Variants in KCNT1 observed in about 807,000 individuals in gnomAD.
The protein encoded by KCNT1 is potassium sodium-activated channel subfamily T member 1.
A neutral mutation model predicts 147.8 loss-of-function variants in KCNT1; 78 were observed. That is an observed-to-expected ratio of 0.53 (90% CI 0.44 to 0.64). The LOEUF is 0.64. KCNT1 is among the 30% of genes least tolerant of loss of function. KCNT1 has a pLI of 0.00. For synonymous variants in KCNT1, 867 were observed against 748.8 expected, an observed-to-expected ratio of 1.16 and a Z score of -2.58; for missense variants, 1,419 against 1,750.3, an observed-to-expected ratio of 0.81 and a Z score of 3.38.
At chr9:135,741,854 A>C in intron 2 of KCNT1, among the ~76,000 whole-genome samples, 1 of 152,252 alleles carries the variant, frequency 6.6e-6, no homozygotes, top group Admixed American at 6.5e-5. Context: ...GGTCCCTCTG[A>C]AGTCCTTTGA....
At chr9:135,724,978 C>G (rs763753631) in intron 2 of KCNT1, among the ~76,000 whole-genome samples, 6 of 152,246 alleles carry the variant, frequency 3.9e-5, no homozygotes, top group Admixed American at 1.3e-4. Context: ...TGGGCTCCCC[C>G]ATGTGATCCT....
Position 135,737,207 on chromosome 9 carries a change from T to C in KCNT1, c.255-12891T>C, listed in dbSNP as rs141224469. ...CGAAGCCTGCACAGCAGGTCAGGGC[T>C]GGGACACAGGGCTCAGGCTGCCTGG... On this transcript the variant is annotated intron_variant, in intron 2 of 30. Transcript: ENST00000371757. 3.9e-3 allele frequency among the ~76,000 whole-genome samples: 591 copies of C among 152,300 alleles called. 6 individuals are homozygous for C. Among genetic ancestry groups the C allele is most frequent in the African/African-American group, 0.014 (577 of 41,574 alleles).
At chr9:135,785,938 C>T (rs912272176) in intron 28 of KCNT1, 9 of 550,244 alleles carry the variant, frequency 1.6e-5, no homozygotes, top group South Asian at 6.8e-5. Flanking sequence ...AGCAGCCTGG[C>T]GAATCCCTTG....
Position 135,792,393 on chromosome 9 carries a change from G to C in KCNT1, c.*232G>C. 1 of 471,948 alleles carries C rather than the reference G, an allele frequency of 2.1e-6. No individual in the cohort carries two copies. Among genetic ancestry groups the C allele is most frequent in the Non-Finnish European group, 3.9e-6 (1 of 258,932 alleles). The allele number at this position is 471,948 out of a possible 1,614,324, so 29.2% of individuals were successfully genotyped here. On this transcript the variant is annotated 3_prime_UTR_variant, in exon 31 of 31. Coordinates refer to ENST00000371757, the MANE Select transcript of KCNT1 (RefSeq NM_020822.3). The stretch of plus-strand genomic sequence containing the variant: ...GTTTTTTAACCTATTTTTACACGTC[G>C]ATGCAGTCCACTTCTCTTTACACAG...
intron 1 of KCNT1, among the ~76,000 whole-genome samples, chr9:135,702,754 C>G (rs1835083198): frequency 6.6e-6 from 1 of 152,106 alleles, no homozygotes; most frequent in Non-Finnish European, 1.5e-5. Context: ...AGGTTCCATC[C>G]TTCTTGTGTG....
intron 2 of KCNT1, among the ~76,000 whole-genome samples, chr9:135,723,119 C>T (rs1835990430): frequency 6.6e-6 from 1 of 152,252 alleles, no homozygotes; most frequent in Admixed American, 6.5e-5. Context: ...GGCCACACTG[C>T]CTGTGCCTCC....
At chr9:135,756,535 C>T (rs1051735924) in intron 6 of KCNT1, among the ~76,000 whole-genome samples, 4 of 152,298 alleles carry the variant, frequency 2.6e-5, no homozygotes, top group Admixed American at 2.6e-4. Context: ...TCCACTGAGC[C>T]TCCATCTCCG....
At chr9:135,747,540 G>A (rs1053088895) in intron 2 of KCNT1, among the ~76,000 whole-genome samples, 1 of 152,142 alleles carries the variant, frequency 6.6e-6, no homozygotes, top group Admixed American at 6.5e-5. Flanking sequence ...CATCCTGTCT[G>A]AGCGAAAGAC....
chr9:135,774,492 G>T (rs1244942664), intron 19 of KCNT1, among the ~76,000 whole-genome samples: 1 of 149,910 alleles, frequency 6.7e-6, no homozygotes, highest in Non-Finnish European at 1.5e-5. Context: ...TTGTGTCTGT[G>T]TGGTGTGTGT....
At chr9:135,774,760 G>T (rs545730626) in intron 19 of KCNT1, among the ~76,000 whole-genome samples, 2 of 152,116 alleles carry the variant, frequency 1.3e-5, no homozygotes, top group Non-Finnish European at 2.9e-5. Context: ...GTCCATTTCC[G>T]TGTGCCTGTA....
intron 9 of KCNT1, 24 bp downstream of exon 9, chr9:135,757,405 C>T: frequency 6.3e-7 from 1 of 1,599,244 alleles, no homozygotes; most frequent in Non-Finnish European, 8.5e-7. Flanking sequence ...GGGGGTGCAG[C>T]TGGGACTTGG....
intron 2 of KCNT1, among the ~76,000 whole-genome samples, chr9:135,738,183 C>T (rs1830416752): frequency 6.6e-6 from 1 of 152,218 alleles, no homozygotes; most frequent in Admixed American, 6.5e-5. Flanking sequence ...TCCAGGAAGC[C>T]CTCCCGCATG....
chr9:135,742,856 G>A (rs866604420), intron 2 of KCNT1: 3 of 716,716 alleles, frequency 4.2e-6, no homozygotes, highest in Admixed American at 2.0e-5. Flanking sequence ...TGGCAGACAA[G>A]GGCTCTTAGA....
intron 2 of KCNT1, chr9:135,742,836 A>G: frequency 5.6e-6 from 4 of 716,352 alleles, no homozygotes; most frequent in Non-Finnish European, 7.8e-6. Context: ...CAAGGGAGGA[A>G]CTGTCTTGGT....
intron 29 of KCNT1, among the ~76,000 whole-genome samples, chr9:135,788,480 G>C (rs751749171): frequency 2.6e-5 from 4 of 152,246 alleles, no homozygotes; most frequent in African/African-American, 9.6e-5. Flanking sequence ...TGCTGTTTAC[G>C]ATGAGCTCTG....
chr9:135,751,670 C>T (rs1011812996), intron 4 of KCNT1, among the ~76,000 whole-genome samples: 1 of 152,202 alleles, frequency 6.6e-6, no homozygotes, highest in Non-Finnish European at 1.5e-5. Flanking sequence ...CTGGGACCTA[C>T]TCTGTGCCCA....
intron 2 of KCNT1, among the ~76,000 whole-genome samples, chr9:135,735,124 C>T (rs1417606715): frequency 6.6e-6 from 1 of 152,194 alleles, no homozygotes; most frequent in African/African-American, 2.4e-5. Flanking sequence ...TTTGCAGGTA[C>T]AAACAGCGCT....
chr9:135,774,857 A>T (rs1833051969), intron 19 of KCNT1, among the ~76,000 whole-genome samples: 1 of 151,362 alleles, frequency 6.6e-6, no homozygotes. Context: ...ACCCCCTTCC[A>T]CACCTGGGTG....
chr9:135,790,777 T>C (rs1834439364), intron 29 of KCNT1: 1 of 152,376 alleles, frequency 6.6e-6, no homozygotes, highest in African/African-American at 2.4e-5. Flanking sequence ...GGGTCACCTT[T>C]GTTCTCTGTC....
Sources: gnomAD v4.1 joint callset for allele counts (sites outside exome capture counted in the v4.1 genomes callset) on GRCh38, gnomAD v4.1.1 for gene constraint, MANE v1.5 for transcripts, NCBI Gene and HGNC (gene_info 2026-07-23, HGNC 2026-07-21) for gene names.